Variants in SDK1 observed in about 807,000 individuals in gnomAD.
SDK1 encodes protein sidekick-1.
A neutral mutation model predicts 245.5 loss-of-function variants in SDK1; 157 were observed. The observed-to-expected ratio is 0.64, with a 90% CI of 0.56 to 0.73. SDK1 has a LOEUF of 0.73. Ranked by LOEUF, SDK1 falls within the 30% of genes least tolerant of loss-of-function variation. The probability of loss-of-function intolerance (pLI) is 0.00; values close to 1 mark genes in which losing one functional copy is unlikely to be tolerated. For synonymous variants in SDK1, 1,647 were observed against 1,278.5 expected (o/e 1.29, Z -6.15); for missense variants, 3,583 against 3,002.3 (o/e 1.19, Z -4.52).
At chr7:3,313,856 CTATT>C (rs1779605033) in intron 1 of SDK1, among the ~76,000 whole-genome samples, 1 of 152,146 alleles carries the variant, frequency 6.6e-6, no homozygotes, top group African/African-American at 2.4e-5. Context: ...ATAATTAGCT[CTATT>C]TAGCCATTTC....
At chr7:3,594,000 C>T (rs574299055) in intron 1 of SDK1, among the ~76,000 whole-genome samples, 1 of 152,212 alleles carries the variant, frequency 6.6e-6, no homozygotes, top group East Asian at 1.9e-4. Context: ...GTGTGTAATT[C>T]ATGATTTTTA....
At chr7:3,896,172 G>A (rs950156213) in intron 5 of SDK1, among the ~76,000 whole-genome samples, 1 of 152,172 alleles carries the variant, frequency 6.6e-6, no homozygotes, top group African/African-American at 2.4e-5. Flanking sequence ...AAAACGAAAT[G>A]TTTATATATT....
Position 3,893,830 on chromosome 7 carries a change from T to C in SDK1, c.848-57093T>C, listed in dbSNP as rs541049820. On this transcript the variant is annotated intron_variant, in intron 5 of 44. Coordinates refer to ENST00000404826, the MANE Select transcript of SDK1 (RefSeq NM_152744.4). Reference sequence around the variant, plus strand: ...CCAGTCACCTGCCCCCACCCTCACCTTATCTGACCCTGGCTCCTGGGCCAC... The same window carrying C: ...CCAGTCACCTGCCCCCACCCTCACCCTATCTGACCCTGGCTCCTGGGCCAC... Among the ~76,000 whole-genome samples, 8 of 152,136 alleles carry C rather than the reference T, an allele frequency of 5.3e-5. No homozygotes were observed. In the East Asian group the frequency reaches 1.5e-3, roughly 29 times the overall value.
At chr7:3,832,484 T>C (rs978274373) in intron 5 of SDK1, among the ~76,000 whole-genome samples, 7 of 152,186 alleles carry the variant, frequency 4.6e-5, no homozygotes, top group African/African-American at 1.2e-4. Context: ...TAATTAAAAT[T>C]GTAGTTCTTT....
At chr7:3,648,033 C>G (rs1032092438) in intron 4 of SDK1, among the ~76,000 whole-genome samples, 1 of 152,110 alleles carries the variant, frequency 6.6e-6, no homozygotes, top group Non-Finnish European at 1.5e-5. Context: ...TTGAAAACCC[C>G]ATACATTTAT....
chr7:3,748,274 A>G (rs1250856808), intron 4 of SDK1, among the ~76,000 whole-genome samples: 1 of 152,214 alleles, frequency 6.6e-6, no homozygotes, highest in Non-Finnish European at 1.5e-5. Context: ...GTAGCAGGAT[A>G]GAGGCTGCTT....
chr7:4,071,709 C>T (rs952109999), intron 20 of SDK1, among the ~76,000 whole-genome samples: 1 of 152,202 alleles, frequency 6.6e-6, no homozygotes, highest in Non-Finnish European at 1.5e-5. Flanking sequence ...AGAAGACTTT[C>T]CAGTTCAGAC....
intron 5 of SDK1, among the ~76,000 whole-genome samples, chr7:3,856,775 G>C (rs1780558242): frequency 6.6e-6 from 1 of 152,098 alleles, no homozygotes; most frequent in Non-Finnish European, 1.5e-5. Flanking sequence ...TGGGCAACAA[G>C]AGCGAAACTC....
At chr7:3,648,108 A>G (rs778538653) in intron 4 of SDK1, among the ~76,000 whole-genome samples, 1 of 152,226 alleles carries the variant, frequency 6.6e-6, no homozygotes, top group Non-Finnish European at 1.5e-5. Context: ...TAGCTTTGTC[A>G]TATAAATACA....
Position 4,068,074 on chromosome 7 carries a change from G to C in SDK1, c.3010+138G>C, listed in dbSNP as rs888391261. ...TCAAGAGGAACTGAAAAGTCTTCCT[G>C]GCCGTGTGGCAGAGTCCCAGCACTG... On this transcript the variant is annotated intron_variant, in intron 20 of 44. Coordinates refer to ENST00000404826, the MANE Select transcript of SDK1 (RefSeq NM_152744.4). 1.1e-5 allele frequency: 7 copies of C among 641,294 alleles called. No individual in the cohort carries two copies. In the African/African-American group the frequency reaches 1.3e-4, roughly 12 times the overall value. The allele number at this position is 641,294 out of a possible 1,614,324, so 39.7% of individuals were successfully genotyped here.
At chr7:4,142,926 C>T (rs1451712526) in intron 28 of SDK1, among the ~76,000 whole-genome samples, 1 of 152,200 alleles carries the variant, frequency 6.6e-6, no homozygotes, top group Non-Finnish European at 1.5e-5. Context: ...ATGCTTTTTC[C>T]AGGCAGAACA....
At chr7:3,917,251 G>C (rs1209803884) in intron 5 of SDK1, among the ~76,000 whole-genome samples, 1 of 152,190 alleles carries the variant, frequency 6.6e-6, no homozygotes, top group Non-Finnish European at 1.5e-5. Flanking sequence ...ATAGGCAGGT[G>C]TCTCTATTTC....
intron 4 of SDK1, among the ~76,000 whole-genome samples, chr7:3,817,933 T>C (rs1779550413): frequency 6.6e-6 from 1 of 152,218 alleles, no homozygotes; most frequent in Non-Finnish European, 1.5e-5. Flanking sequence ...GTCTCAGCAA[T>C]GAAAAGCAAC....
intron 5 of SDK1, among the ~76,000 whole-genome samples, chr7:3,859,298 C>T (rs527315336): frequency 6.6e-6 from 1 of 152,124 alleles, no homozygotes. Context: ...GGTAGCTCCT[C>T]CTGGGGGGCC....
chr7:4,139,188 C>CT (rs974524345), intron 28 of SDK1, among the ~76,000 whole-genome samples: 1 of 152,146 alleles, frequency 6.6e-6, no homozygotes, highest in East Asian at 1.9e-4. Flanking sequence ...CTACCCACCC[C>CT]CCATTTCCTG....
chr7:4,241,762 C>A, intron 42 of SDK1, 31 bp from the exon 43 acceptor site: 3 of 1,613,530 alleles, frequency 1.9e-6, no homozygotes, highest in Non-Finnish European at 2.5e-6. Context: ...ACCAGTAACA[C>A]GTCTGTTCTC....
chr7:3,571,015 C>A (rs781687834), intron 1 of SDK1, among the ~76,000 whole-genome samples: 1 of 151,998 alleles, frequency 6.6e-6, no homozygotes, highest in Non-Finnish European at 1.5e-5. Flanking sequence ...TCTCACAGAG[C>A]TAATACTTTG....
intron 25 of SDK1, 74 bp downstream of exon 25, chr7:4,114,348 C>T (rs931774398): frequency 8.3e-7 from 1 of 1,210,454 alleles, no homozygotes; most frequent in Non-Finnish European, 1.2e-6. Context: ...GCCTCCAGAT[C>T]CCAGGCTAGT....
intron 1 of SDK1, among the ~76,000 whole-genome samples, chr7:3,511,573 T>C (rs1053020443): frequency 6.6e-6 from 1 of 152,160 alleles, no homozygotes; most frequent in African/African-American, 2.4e-5. Context: ...TTAGCAGTTA[T>C]TCCTGTCTTC....
Sources: allele counts gnomAD v4.1 joint callset (sites outside exome capture counted in the v4.1 genomes callset), GRCh38; gene constraint gnomAD v4.1.1; transcripts MANE v1.5; gene names NCBI Gene and HGNC (gene_info 2026-07-23, HGNC 2026-07-21).